The following ITGB2 variants were observed in gnomAD, a reference collection of about 807,000 sequenced individuals.
ITGB2 encodes the protein integrin beta-2.
In ITGB2, 56 loss-of-function variants were observed where a neutral mutation model predicts 86.8. That is an observed-to-expected ratio of 0.65 (90% confidence interval 0.52 to 0.81). The LOEUF is 0.81. Among genes scored for constraint, ITGB2 ranks in the 30% least tolerant of loss-of-function variants. ITGB2 has a pLI of 0.00. For synonymous variants in ITGB2, 457 were observed against 450.4 expected (o/e 1.01, Z -0.19); for missense variants, 948 against 1,061.2 (o/e 0.89, Z 1.48).
chr21:44,891,324 A>C (rs1385093999), intron 11 of ITGB2, among the ~76,000 whole-genome samples: 1 of 151,892 alleles, frequency 6.6e-6, no homozygotes, highest in Non-Finnish European at 1.5e-5. Flanking sequence ...AGAAGCCATC[A>C]CCTGTCCCAG....
chr21:44,903,190 C>T (rs1461992798), intron 5 of ITGB2, among the ~76,000 whole-genome samples, 175 bp downstream of exon 5: 1 of 152,172 alleles, frequency 6.6e-6, no homozygotes, highest in Non-Finnish European at 1.5e-5. Flanking sequence ...CTGGGTGTGG[C>T]CCCTGGCAGG....
rs1254960152 is a variant in ITGB2 at position 44,910,753 on chromosome 21, G to T, written c.30C>A (p.Ala10=). The change falls in exon 2 of 16, where the codon GCC becomes GCA. Residue 10 remains alanine (A), a synonymous_variant. Transcript: ENST00000652462. MLGLRPPLL[A]LVGLLSLGCV... ...ACCCGAGGGAGAGCAGCCCCACCAG[G>T]GCGAGCAGTGGGGGGCGCAGGCCCA... is the stretch of plus-strand genomic sequence containing the variant. 6.2e-7 allele frequency: 1 copy of T among 1,614,060 alleles called. No individual in the cohort carries two copies.
At position 44,892,196 on chromosome 21, in the gene ITGB2, C is replaced by T. The variant is rs146110472; in HGVS notation, c.1225-200G>A. Among the ~76,000 whole-genome samples the T allele has an allele frequency of 2.5e-3, 377 of 152,330 alleles. 2 individuals are homozygous for T. The highest frequency in any genetic ancestry group is 0.011 in the South Asian group (51 of 4,830). On this transcript the variant is annotated intron_variant, in intron 10 of 15. Coordinates refer to ENST00000652462, the MANE Select transcript of ITGB2 (RefSeq NM_000211.5). ...CAAGGAGGTGCTCTGCCCGCACTCCCGCACTGGCCGGCACCAGGATCTCCC... is the reference window on the plus strand; with the variant it reads ...CAAGGAGGTGCTCTGCCCGCACTCCTGCACTGGCCGGCACCAGGATCTCCC...
chr21:44,903,234 G>T, intron 5 of ITGB2, 131 bp downstream of exon 5: 1 of 1,030,494 alleles, frequency 9.7e-7, no homozygotes, highest in Non-Finnish European at 1.5e-6. Flanking sequence ...TGGATGCCCT[G>T]GGGGGACCTG....
At chr21:44,901,908 T>C in intron 5 of ITGB2, 175 bp from the exon 6 acceptor site, 1 of 677,820 alleles carries the variant, frequency 1.5e-6, no homozygotes, top group Non-Finnish European at 2.5e-6. Context: ...AGCACACATG[T>C]GAACGTATGT....
At chr21:44,916,639 A>G (rs942356977) in intron 1 of ITGB2, among the ~76,000 whole-genome samples, 12 of 152,124 alleles carry the variant, frequency 7.9e-5, no homozygotes, top group Admixed American at 2.0e-4. Context: ...AGGCTGAGGC[A>G]GGCGGATCAC....
chr21:44,910,353 C>CG lies in ITGB2; in HGVS notation c.77dup (p.Lys27GlufsTer32). The CG allele has an allele frequency of 6.2e-7, 1 of 1,614,164 alleles. No individual in the cohort carries two copies. The highest frequency in any genetic ancestry group is 8.5e-7 in the Non-Finnish European group (1 of 1,180,024). On this transcript the variant is annotated frameshift_variant, in exon 3 of 16. Transcript: ENST00000652462. LOFTEE classifies it high-confidence loss of function. ...CCCGGCAGCTGCTGACCTTGAACTT[C>CG]GTGCACTCCTGAGAGAGGACTGAGG...
Position 44,904,860 on chromosome 21 carries a change from TCA to T in ITGB2, c.329-1327_329-1326del, listed in dbSNP as rs375768805. On this transcript the variant is annotated intron_variant, in intron 4 of 15. Coordinates refer to ENST00000652462, the MANE Select transcript of ITGB2 (RefSeq NM_000211.5). ...ACACACACACCACACACACATGCGC[TCA>T]CACACACACACACTCACCCACATTC... 3.7e-3 allele frequency among the ~76,000 whole-genome samples: 557 copies of T among 150,448 alleles called. 4 individuals carry two copies. The highest frequency in any genetic ancestry group is 0.012 in the African/African-American group (493 of 40,992).
At chr21:44,910,169 C>A (rs2084107678) in intron 3 of ITGB2, 115 bp downstream of exon 3, 3 of 1,383,788 alleles carry the variant, frequency 2.2e-6, no homozygotes, top group Admixed American at 2.2e-5. Context: ...GGTCTGGGGA[C>A]CCCCTCAAAA....
intron 5 of ITGB2, 41 bp downstream of exon 5, chr21:44,903,324 G>T: frequency 5.0e-6 from 8 of 1,612,628 alleles, no homozygotes; most frequent in Non-Finnish European, 6.8e-6. Context: ...GCCAGGGTCT[G>T]GGAAAGGACT....
chr21:44,919,282 T>C (rs1025245423), intron 1 of ITGB2, among the ~76,000 whole-genome samples: 140 of 152,256 alleles, frequency 9.2e-4, no homozygotes, highest in African/African-American at 3.2e-3. Context: ...TGCAGGGACG[T>C]AGCCAGGGAC....
chr21:44,914,674 G>T (rs2084178016), intron 1 of ITGB2, among the ~76,000 whole-genome samples: 1 of 152,350 alleles, frequency 6.6e-6, no homozygotes, highest in South Asian at 2.1e-4. Flanking sequence ...TGCAATCCCA[G>T]TGTTTTGAGA....
At chr21:44,914,579 T>A (rs1568905680) in intron 1 of ITGB2, among the ~76,000 whole-genome samples, 1 of 151,920 alleles carries the variant, frequency 6.6e-6, no homozygotes, top group Non-Finnish European at 1.5e-5. Flanking sequence ...CCGGGCCAAA[T>A]CACACACACC....
chr21:44,919,047 T>C (rs1601334989), intron 1 of ITGB2, among the ~76,000 whole-genome samples: 2 of 55,042 alleles, frequency 3.6e-5, no homozygotes, highest in Non-Finnish European at 6.4e-5. Flanking sequence ...AGCTGTTCAT[T>C]GAGTGCTGGG....
At chr21:44,891,673 A>C in intron 11 of ITGB2, 136 bp downstream of exon 11, 2 of 943,080 alleles carry the variant, frequency 2.1e-6, no homozygotes, top group African/African-American at 3.3e-5. Context: ...CACCTCCTGC[A>C]GAAGGGGGCC....
intron 1 of ITGB2, chr21:44,914,209 A>C (rs567603724): frequency 3.3e-5 from 5 of 152,550 alleles, no homozygotes; most frequent in African/African-American, 1.2e-4. Context: ...CCTAAGGTGC[A>C]AAACCCAAAG....
chr21:44,903,643 C>A (rs1365371667), intron 4 of ITGB2, 108 bp from the exon 5 acceptor site: 6 of 1,305,196 alleles, frequency 4.6e-6, no homozygotes, highest in Middle Eastern at 2.2e-4. Context: ...TCCTCCAGCC[C>A]CCAAATCCTC....
At position 44,917,073 on chromosome 21, in the gene ITGB2, G is replaced by A. The variant is rs144902071; in HGVS notation, c.-4+3748C>T. On this transcript the variant is annotated intron_variant, in intron 1 of 15. Coordinates refer to ENST00000652462, the MANE Select transcript of ITGB2 (RefSeq NM_000211.5). ...CCATTCAAGGATGTTTCAAGGGTGT[G>A]GCACCCTGAGCAGGTAATTCACAAA... is the stretch of plus-strand genomic sequence containing the variant. Among the ~76,000 whole-genome samples, 40 of 152,278 alleles carry A rather than the reference G, an allele frequency of 2.6e-4. No individual in the cohort carries two copies. The East Asian group carries it at 7.1e-3, about 27-fold the overall frequency.
intron 9 of ITGB2, 36 bp from the exon 10 acceptor site, chr21:44,893,580 G>A (rs765838560): frequency 6.2e-7 from 1 of 1,612,134 alleles, no homozygotes; most frequent in East Asian, 2.2e-5. Flanking sequence ...GGGGGCGAGT[G>A]TTTCTGTTGT....
Sources: allele counts gnomAD v4.1 joint callset (sites outside exome capture counted in the v4.1 genomes callset), GRCh38; gene constraint gnomAD v4.1.1; transcripts MANE v1.5; gene names NCBI Gene and HGNC (gene_info 2026-07-23, HGNC 2026-07-21).